Variants in WDFY3 observed in about 807,000 individuals in gnomAD.
The protein encoded by WDFY3 is WD repeat and FYVE domain containing 3, also known as WD repeat and FYVE domain-containing protein 3.
In WDFY3, 66 loss-of-function variants were observed where a neutral mutation model predicts 409.6. The ratio of observed to expected loss-of-function variants is 0.16; its 90% confidence interval spans 0.13 to 0.20. WDFY3 has a LOEUF of 0.20. WDFY3 is among the 10% of genes least tolerant of loss of function. WDFY3 has a pLI of 1.00. For missense variants in WDFY3, 3,031 were observed against 4,298.1 expected (o/e 0.71, Z 8.24); for synonymous variants, 1,521 against 1,537.1 (o/e 0.99, Z 0.25).
In WDFY3 at chr4:84,724,447, C is replaced by A; in HGVS notation, c.7420G>T (p.Asp2474Tyr). 6.2e-7 allele frequency: 1 copy of A among 1,612,276 alleles called. No homozygotes were observed. The highest frequency in any genetic ancestry group is 2.2e-5 in the East Asian group (1 of 44,876). Reference sequence around the variant, plus strand: ...TGACCTTTGACTTTAGCAATAGTGTCTTCCCCATGCTCTGGTTCTTGCTGA... The same window carrying A: ...TGACCTTTGACTTTAGCAATAGTGTATTCCCCATGCTCTGGTTCTTGCTGA... ...AAQQEPEHGE[D>Y]TIAKVKGLVK... The change falls in exon 46 of 68, where the codon GAC (aspartate) becomes TAC (tyrosine). Residue 2474 changes from aspartate to tyrosine, a missense_variant. Around this residue, in one of 16 missense-constraint regions of WDFY3, gnomAD observed 127 missense variants for 144.4 expected, o/e 0.88. Transcript: ENST00000295888.
At chr4:84,939,606 T>C (rs966459260) in intron 1 of WDFY3, among the ~76,000 whole-genome samples, 1 of 152,212 alleles carries the variant, frequency 6.6e-6, no homozygotes, top group African/African-American at 2.4e-5. Flanking sequence ...ATTATCATTA[T>C]GGATTTATTC....
intron 2 of WDFY3, among the ~76,000 whole-genome samples, chr4:84,920,117 A>G (rs900570980): frequency 1.3e-5 from 2 of 152,182 alleles, no homozygotes; most frequent in African/African-American, 4.8e-5. Context: ...GTGTACTTTT[A>G]AAATGTCATA....
intron 18 of WDFY3, among the ~76,000 whole-genome samples, chr4:84,797,045 T>G (rs1466860316): frequency 6.6e-6 from 1 of 152,204 alleles, no homozygotes; most frequent in East Asian, 1.9e-4. Flanking sequence ...AATTTAATTA[T>G]AAATCTCAGT....
chr4:84,810,371 T>C (rs1214010345), intron 13 of WDFY3, 27 bp from the exon 14 acceptor site: 1 of 1,421,942 alleles, frequency 7.0e-7, no homozygotes. Context: ...AAAAAACAAA[T>C]GAAAATACAC....
intron 39 of WDFY3, 155 bp from the exon 40 acceptor site, chr4:84,739,274 T>G: frequency 1.6e-6 from 1 of 639,504 alleles, no homozygotes. Flanking sequence ...AAGATGCCAT[T>G]TTTAAGAGGT....
chr4:84,869,553 C>T (rs991061046), intron 3 of WDFY3, among the ~76,000 whole-genome samples: 1 of 151,842 alleles, frequency 6.6e-6, no homozygotes, highest in Non-Finnish European at 1.5e-5. Context: ...ACTAATAATT[C>T]CAAATAGATT....
chr4:84,818,285 A>G (rs944053560), intron 12 of WDFY3, among the ~76,000 whole-genome samples: 1 of 152,048 alleles, frequency 6.6e-6, no homozygotes, highest in Admixed American at 6.6e-5. Context: ...TCAAATATTA[A>G]TATCATCCTC....
At chr4:84,701,186 C>T (rs1731021259) in intron 56 of WDFY3, among the ~76,000 whole-genome samples, 1 of 152,184 alleles carries the variant, frequency 6.6e-6, no homozygotes. Flanking sequence ...GTTGACTATT[C>T]TATTCTTTTG....
intron 13 of WDFY3, among the ~76,000 whole-genome samples, chr4:84,812,237 G>C (rs1472745993): frequency 6.6e-6 from 1 of 152,048 alleles, no homozygotes; most frequent in Non-Finnish European, 1.5e-5. Context: ...TTACATTTTA[G>C]TATCTGGTAA....
At chr4:84,676,383 T>C (rs898932144) in intron 67 of WDFY3, among the ~76,000 whole-genome samples, 3 of 152,272 alleles carry the variant, frequency 2.0e-5, no homozygotes, top group East Asian at 1.9e-4. Context: ...GACTAAGAAT[T>C]TGGAGAACCT....
intron 16 of WDFY3, among the ~76,000 whole-genome samples, 183 bp downstream of exon 16, chr4:84,803,107 A>G (rs1321595076): frequency 6.6e-6 from 1 of 152,250 alleles, no homozygotes; most frequent in African/African-American, 2.4e-5. Context: ...ATTCTAAAAC[A>G]TACATATCTA....
At chr4:84,678,508 A>G (rs367747591) in intron 65 of WDFY3, among the ~76,000 whole-genome samples, 28 of 152,218 alleles carry the variant, frequency 1.8e-4, no homozygotes, top group African/African-American at 5.5e-4. Flanking sequence ...AACTAATGAG[A>G]AGGAGAAATT....
In WDFY3 at chr4:84,844,579, T is replaced by G. The variant is rs375810090; in HGVS notation, c.305-3316A>C. ...AATTCCACTAATCCCACCACAAGAG[T>G]ACTGGGGTCAACATCATCCAGTCTC... On this transcript the variant is annotated intron_variant, in intron 5 of 67. Transcript: ENST00000295888. 33 of 1,222,960 alleles carry G rather than the reference T, an allele frequency of 2.7e-5. No homozygotes were observed. The East Asian group carries it at 6.2e-4, about 23-fold the overall frequency. 75.8% of individuals were successfully genotyped at this position (1,222,960 alleles called of 1,614,324 possible). A position where few individuals can be genotyped will look rare whatever the true frequency, so the allele number is the denominator to read the frequency against.
At chr4:84,682,062 C>T (rs1727450807) in intron 64 of WDFY3, among the ~76,000 whole-genome samples, 1 of 152,194 alleles carries the variant, frequency 6.6e-6, no homozygotes, top group Non-Finnish European at 1.5e-5. Context: ...TATACAACAG[C>T]ACGCCCTCTA....
rs562244020 is a variant in WDFY3 at position 84,741,098 on chromosome 4, G to C, written c.6234+663C>G. On this transcript the variant is annotated intron_variant, in intron 38 of 67. Coordinates refer to ENST00000295888, the MANE Select transcript of WDFY3 (RefSeq NM_014991.6). Reference sequence around the variant, plus strand: ...CAAGGAACTTTGTAAAGATTCAACTGATAAGAGAATATTCTTTTAATATCA... The same window carrying C: ...CAAGGAACTTTGTAAAGATTCAACTCATAAGAGAATATTCTTTTAATATCA... 2.6e-5 allele frequency among the ~76,000 whole-genome samples: 4 copies of C among 152,248 alleles called. No individual in the cohort carries two copies. The South Asian group carries it at 8.3e-4, about 32-fold the overall frequency.
chr4:84,778,865 A>G (rs1039015697), intron 26 of WDFY3, among the ~76,000 whole-genome samples: 1 of 152,184 alleles, frequency 6.6e-6, no homozygotes, highest in African/African-American at 2.4e-5. Flanking sequence ...AATCTGAAAA[A>G]CAAAGGGATC....
chr4:84,841,113 TAA>T (rs1578766736), intron 6 of WDFY3, 39 bp downstream of exon 6: 3 of 1,476,022 alleles, frequency 2.0e-6, no homozygotes, highest in Non-Finnish European at 2.8e-6. Flanking sequence ...GGCTATAAAA[TAA>T]AGACGCTGAG....
At chr4:84,870,007 C>G (rs1302402446) in intron 3 of WDFY3, among the ~76,000 whole-genome samples, 2 of 152,124 alleles carry the variant, frequency 1.3e-5, no homozygotes, top group Non-Finnish European at 2.9e-5. Context: ...AAGAAGCTAT[C>G]CTGTAGAAAT....
intron 4 of WDFY3, among the ~76,000 whole-genome samples, chr4:84,850,436 C>T (rs1346396079): frequency 6.6e-6 from 1 of 152,048 alleles, no homozygotes; most frequent in African/African-American, 2.4e-5. Context: ...CCTGCCTCAG[C>T]CTGCCAAGTA....
Sources: gnomAD v4.1 joint callset for allele counts (sites outside exome capture counted in the v4.1 genomes callset) on GRCh38, gnomAD v4.1.1 for gene constraint, gnomAD v4.1.1 regional missense constraint, MANE v1.5 for transcripts, NCBI Gene and HGNC (gene_info 2026-07-23, HGNC 2026-07-21) for gene names.